UBIAD1: variants seen among roughly 807,000 people sequenced by gnomAD.
UBIAD1 encodes the protein UbiA prenyltransferase domain containing 1.
In UBIAD1, 12 loss-of-function variants were observed where a neutral mutation model predicts 20.1. The observed-to-expected ratio is 0.60, with a 90% CI of 0.38 to 0.97. The LOEUF (loss-of-function observed/expected upper bound fraction) is 0.97. Ranked by LOEUF, UBIAD1 falls within the 50% of genes least tolerant of loss-of-function variation. The pLI is 0.00. For synonymous variants in UBIAD1, 207 were observed against 189.2 expected (o/e 1.09, Z -0.77); for missense variants, 333 against 419.5 (o/e 0.79, Z 1.80).
At chr1:11,297,096 A>G (rs1332504308), downstream of UBIAD1, among the ~76,000 whole-genome samples, 1 of 152,218 alleles carries the variant, frequency 6.6e-6, no homozygotes, top group Non-Finnish European at 1.5e-5. Context: ...AGAAACAACT[A>G]TTCATTGTGA....
intron 1 of UBIAD1, among the ~76,000 whole-genome samples, chr1:11,294,607 C>T (rs1638419580): frequency 6.6e-6 from 1 of 152,214 alleles, no homozygotes; most frequent in Non-Finnish European, 1.5e-5. Flanking sequence ...AGGTGGTTCC[C>T]ATCAGGGTGG....
rs764337904 is a variant in UBIAD1, at chr1:11,286,151, C to T, written c.*20C>T. 1 of 1,614,094 alleles carries T rather than the reference C, an allele frequency of 6.2e-7. No homozygotes were observed. Among genetic ancestry groups the T allele is most frequent in the Non-Finnish European group, 8.5e-7 (1 of 1,179,980 alleles). On this transcript the variant is annotated 3_prime_UTR_variant, in exon 2 of 2. Transcript: ENST00000376810. The stretch of plus-strand genomic sequence containing the variant: ...ATTTAAGGGGACAAGTAGCTCCCCC[C>T]ACGACATGTCTCCCTTTCTTAGAAT...
chr1:11,285,500 G>A lies in UBIAD1; in HGVS notation c.530-144G>A. ...GAAGAAATCAGAATTTGCTCTGTGG[G>A]GTTAAGGGATGAAATGAGTGCCCAC... On this transcript the variant is annotated intron_variant, in intron 1 of 1. Transcript: ENST00000376810. This position sits in a 1 kb window ranked among gnomAD's most constrained non-coding sequence, Gnocchi z 4.4. 2 of 1,256,858 alleles carry A rather than the reference G, an allele frequency of 1.6e-6. No individual in the cohort carries two copies. Among genetic ancestry groups the A allele is most frequent in the African/African-American group, 1.5e-5 (1 of 67,756 alleles). 77.9% of individuals were successfully genotyped at this position (1,256,858 alleles called of 1,614,324 possible).
intron 1 of UBIAD1, among the ~76,000 whole-genome samples, chr1:11,284,620 C>T (rs1227144330): frequency 2.6e-5 from 4 of 152,064 alleles, no homozygotes; most frequent in Non-Finnish European, 5.9e-5. Context: ...GTGTGCCACA[C>T]GCTTGGCTAA....
At chr1:11,278,008 A>G (rs1286207614) in intron 1 of UBIAD1, among the ~76,000 whole-genome samples, 1 of 152,032 alleles carries the variant, frequency 6.6e-6, no homozygotes, top group Non-Finnish European at 1.5e-5. Context: ...CTCAGGCTAG[A>G]GTGCAGTGGT....
chr1:11,299,038 A>G (rs926952972), downstream of UBIAD1, among the ~76,000 whole-genome samples: 1 of 152,210 alleles, frequency 6.6e-6, no homozygotes, highest in Middle Eastern at 3.2e-3. Context: ...GCACGGTGTA[A>G]TCCATGCCCT....
chr1:11,274,139 G>T lies in UBIAD1; in HGVS notation c.529+79G>T. Reference sequence around the variant, plus strand: ...CCGCTGCTTTGTAAAGGAGTTATAGGGATGTCAAAGGTGGCTTTCTAATTT... The same window carrying T: ...CCGCTGCTTTGTAAAGGAGTTATAGTGATGTCAAAGGTGGCTTTCTAATTT... On this transcript the variant is annotated intron_variant, in intron 1 of 1. Transcript: ENST00000376810. The T allele has an allele frequency of 1.9e-6, 3 of 1,554,700 alleles. No individual in the cohort carries two copies. The South Asian group carries it at 3.4e-5, about 18-fold the overall frequency.
downstream of UBIAD1, among the ~76,000 whole-genome samples, chr1:11,292,668 TACACACAC>T (rs71568319): frequency 8.4e-3 from 1,187 of 140,732 alleles, 14 homozygotes; most frequent in African/African-American, 0.027. Flanking sequence ...ATTTTATGTA[TACACACAC>T]ACACACACAC....
intron 1 of UBIAD1, among the ~76,000 whole-genome samples, chr1:11,274,917 A>AT (rs1306959671): frequency 1.3e-5 from 2 of 151,610 alleles, no homozygotes; most frequent in Non-Finnish European, 2.9e-5. Context: ...CTATATGGAC[A>AT]TTTTTTCTGT....
At position 11,273,845 on chromosome 1, in the gene UBIAD1, A is replaced by G. The variant is rs756836289; in HGVS notation, c.314A>G (p.Tyr105Cys). ...GCCGGTAATTTGGTCAACACTTACT[A>G]TGACTTTTCCAAGGGCATTGACCAC... ...HGAGNLVNTYYDFSKGIDHKK... is the reference protein window; with the variant it reads ...HGAGNLVNTYCDFSKGIDHKK... Residue 105 changes from tyrosine to cysteine, a missense_variant, in exon 1 of 2, where the codon TAT (tyrosine) becomes TGT (cysteine). By Grantham distance (194) the Tyr-to-Cys change is radical. Coordinates refer to ENST00000376810, the MANE Select transcript of UBIAD1 (RefSeq NM_013319.3). This position sits in a 1 kb window ranked among gnomAD's most constrained non-coding sequence, Gnocchi z 4.9. The G allele has an allele frequency of 5.6e-6, 9 of 1,614,000 alleles. No homozygotes were observed. Among genetic ancestry groups the G allele is most frequent in the East Asian group, 2.2e-5 (1 of 44,894 alleles).
downstream of UBIAD1, among the ~76,000 whole-genome samples, chr1:11,298,109 AC>A (rs1322222840): frequency 6.6e-6 from 1 of 151,886 alleles, no homozygotes. The surrounding 1 kb of genome is among the most constrained non-coding windows in gnomAD (Gnocchi z 4.0). Flanking sequence ...TACAGCATGC[AC>A]CACCATGCCC....
downstream of UBIAD1, among the ~76,000 whole-genome samples, chr1:11,298,864 G>A (rs377297269): frequency 2.0e-4 from 30 of 152,224 alleles, no homozygotes; most frequent in African/African-American, 7.0e-4. The surrounding 1 kb of genome is among the most constrained non-coding windows in gnomAD (Gnocchi z 4.0). Context: ...CCCTCCTGAC[G>A]GAGGCGAGGA....
intron 1 of UBIAD1, among the ~76,000 whole-genome samples, chr1:11,275,947 AG>A (rs1652008370): frequency 6.6e-6 from 1 of 152,162 alleles, no homozygotes; most frequent in Admixed American, 6.5e-5. Context: ...GTAAAGTAAG[AG>A]AAGTACGTTT....
chr1:11,296,795 C>T (rs1434808551), downstream of UBIAD1, among the ~76,000 whole-genome samples: 2 of 152,214 alleles, frequency 1.3e-5, no homozygotes, highest in Admixed American at 6.5e-5. Flanking sequence ...GCTGGGATTA[C>T]AAGCCTGAGC....
rs928829812 is a variant in UBIAD1 at position 11,273,772 on chromosome 1, C to T, written c.241C>T (p.Pro81Ser). The T allele has an allele frequency of 1.2e-6, 2 of 1,614,002 alleles. No individual in the cohort carries two copies. Among genetic ancestry groups the T allele is most frequent in the Non-Finnish European group, 1.7e-6 (2 of 1,180,032 alleles). ...CTACAGATCCCACGGTGTCCTGGAT[C>T]CCAGGCTCTTGGTGGGTTGTGCCGT... ...LAYRSHGVLD[P>S]RLLVGCAVAV... The change falls in exon 1 of 2, where the codon CCC (proline) becomes TCC (serine). Residue 81 changes from proline to serine, a missense_variant. By Grantham distance (74) the Pro-to-Ser change is moderately conservative. Coordinates refer to ENST00000376810, the MANE Select transcript of UBIAD1 (RefSeq NM_013319.3). This position sits in a 1 kb window ranked among gnomAD's most constrained non-coding sequence, Gnocchi z 4.9.
downstream of UBIAD1, among the ~76,000 whole-genome samples, chr1:11,296,371 AC>A (rs1211414757): frequency 4.6e-5 from 7 of 152,080 alleles, no homozygotes; most frequent in African/African-American, 1.7e-4. Context: ...AAGCTACATA[AC>A]CTCTTTGAGC....
At chr1:11,278,158 A>G (rs993619157) in intron 1 of UBIAD1, among the ~76,000 whole-genome samples, 7 of 151,814 alleles carry the variant, frequency 4.6e-5, no homozygotes, top group East Asian at 1.9e-4. Flanking sequence ...GACTTTCACT[A>G]TGTTGGCCAG....
exon 2 of UBIAD1, chr1:11,294,885 C>A: frequency 2.8e-6 from 2 of 717,486 alleles, no homozygotes; most frequent in Non-Finnish European, 2.6e-6. Context: ...CTCATCTAGC[C>A]ACTGAAGCAG....
chr1:11,295,739 A>G (rs183003101), downstream of UBIAD1: 9 of 152,434 alleles, frequency 5.9e-5, no homozygotes, highest in African/African-American at 1.9e-4. Flanking sequence ...ATGGTCACCA[A>G]TGAGGGCCTT....
Sources: gnomAD v4.1 joint callset for allele counts (sites outside exome capture counted in the v4.1 genomes callset) on GRCh38, gnomAD v4.1.1 for gene constraint, Gnocchi (gnomAD v3.1) non-coding constraint, MANE v1.5 for transcripts, NCBI Gene and HGNC (gene_info 2026-07-23, HGNC 2026-07-21) for gene names.